The following TENM3 variants were observed in gnomAD, a reference collection of about 807,000 sequenced individuals.
TENM3 encodes teneurin transmembrane protein 3.
Under a neutral mutation model 255.1 loss-of-function variants are expected in TENM3, and 63 were observed. The ratio of observed to expected loss-of-function variants is 0.25; its 90% CI spans 0.20 to 0.30. The LOEUF is 0.30. Ranked by LOEUF, TENM3 falls within the 10% of genes least tolerant of loss-of-function variation. The probability of loss-of-function intolerance (pLI) is 1.00; values close to 1 mark genes in which losing one functional copy is unlikely to be tolerated. For missense variants in TENM3, 2,929 were observed against 3,461.1 expected (o/e 0.85, Z 3.86); for synonymous variants, 1,306 against 1,322.3 (o/e 0.99, Z 0.27).
the TENM3 span, among the ~76,000 whole-genome samples, chr4:182,051,214 G>A: frequency 2.6e-5 from 4 of 151,690 alleles, no homozygotes; most frequent in African/African-American, 9.7e-5. Context: ...GTGATGGCAA[G>A]CGCCTGTAAT....
chr4:182,610,744 CTTTT>C (rs34833684), intron 4 of TENM3, among the ~76,000 whole-genome samples: 1 of 134,442 alleles, frequency 7.4e-6, no homozygotes, highest in Non-Finnish European at 1.6e-5. Flanking sequence ...ACTAAAGTTA[CTTTT>C]TTTTTTTTTT....
the TENM3 span, among the ~76,000 whole-genome samples, chr4:181,913,548 CTATTT>C: frequency 6.6e-6 from 1 of 152,078 alleles, no homozygotes; most frequent in African/African-American, 2.4e-5. Context: ...TTCCAAATGG[CTATTT>C]TAAAGAGAGC....
chr4:181,726,149 T>G, the TENM3 span, among the ~76,000 whole-genome samples: 1 of 152,088 alleles, frequency 6.6e-6, no homozygotes, highest in African/African-American at 2.4e-5. Context: ...TTAGCAAATT[T>G]TATTTAAAAA....
the TENM3 span, among the ~76,000 whole-genome samples, chr4:181,959,180 T>C: frequency 2.6e-5 from 4 of 152,322 alleles, no homozygotes; most frequent in African/African-American, 9.6e-5. Flanking sequence ...TGCCATTTCC[T>C]CTAGGAAGCC....
chr4:182,705,591 T>C (rs1469854536), intron 12 of TENM3, among the ~76,000 whole-genome samples: 1 of 152,204 alleles, frequency 6.6e-6, no homozygotes, highest in African/African-American at 2.4e-5. Context: ...ACCTGACGTC[T>C]ATATAACCCG....
At chr4:181,611,366 A>T in the TENM3 span, among the ~76,000 whole-genome samples, 1 of 152,208 alleles carries the variant, frequency 6.6e-6, no homozygotes, top group African/African-American at 2.4e-5. Flanking sequence ...ACTTTATTTT[A>T]ATCATGGTGA....
At chr4:182,725,149 C>A (rs1402948701) in intron 13 of TENM3, among the ~76,000 whole-genome samples, 1 of 151,838 alleles carries the variant, frequency 6.6e-6, no homozygotes, top group East Asian at 1.9e-4. Context: ...AACTCCTGGG[C>A]TCAAGTGCCT....
the TENM3 span, among the ~76,000 whole-genome samples, chr4:182,059,362 G>A: frequency 6.6e-6 from 1 of 152,058 alleles, no homozygotes; most frequent in South Asian, 2.1e-4. Flanking sequence ...GGAAATCAGT[G>A]TCAAAATTTT....
the TENM3 span, among the ~76,000 whole-genome samples, chr4:181,931,727 G>T: frequency 6.6e-6 from 1 of 152,126 alleles, no homozygotes; most frequent in African/African-American, 2.4e-5. Context: ...TAAGCAAAAA[G>T]AACAAAGCTG....
At chr4:182,455,160 C>T (rs73869996) in intron 3 of TENM3, among the ~76,000 whole-genome samples, 3,163 of 152,282 alleles carry the variant, frequency 0.021, 113 homozygotes, top group African/African-American at 0.071. Flanking sequence ...GAGAGAGTCA[C>T]ATTTTCTTGA....
chr4:182,792,012 A>G lies in TENM3; in HGVS notation c.5602-262A>G, dbSNP rs1317931018. ...CCATTGACAAATCTGCTGGTTGGCT[A>G]TGAATGTCTGGGAAAATAATGGTAC... On this transcript the variant is annotated intron_variant, in intron 25 of 27. Coordinates refer to ENST00000511685, the MANE Select transcript of TENM3 (RefSeq NM_001080477.4). The surrounding 1 kb of genome is among the most constrained non-coding windows in gnomAD (Gnocchi z 6.3). Among the ~76,000 whole-genome samples, 3 of 152,178 alleles carry G rather than the reference A, an allele frequency of 2.0e-5. No homozygotes were observed. Among genetic ancestry groups the G allele is most frequent in the Non-Finnish European group, 4.4e-5 (3 of 68,040 alleles).
intron 3 of TENM3, among the ~76,000 whole-genome samples, chr4:182,378,823 G>C (rs1767364828): frequency 6.6e-6 from 1 of 152,180 alleles, no homozygotes; most frequent in African/African-American, 2.4e-5. Flanking sequence ...AACAGGGAGA[G>C]ACATGATCCA....
the TENM3 span, among the ~76,000 whole-genome samples, chr4:181,719,168 T>TGCAGTCC: frequency 7.9e-5 from 12 of 151,608 alleles, no homozygotes; most frequent in Non-Finnish European, 1.5e-4. Flanking sequence ...ATCGCGCCAC[T>TGCAGTCC]GCAGTCCGCA....
the TENM3 span, among the ~76,000 whole-genome samples, chr4:182,094,266 G>A: frequency 2.8e-4 from 42 of 150,332 alleles, no homozygotes; most frequent in Admixed American, 1.3e-3. Context: ...TTTTTTTTGA[G>A]ACGGAGTTTT....
In TENM3 at chr4:182,481,881, A is replaced by G. The variant is rs115888681; in HGVS notation, c.512-119043A>G. ...ATAACTTAATGATTTTTTGCTTTAT[A>G]TCAAAATTTAAGAAGTGATATTTTC... On this transcript the variant is annotated intron_variant, in intron 3 of 27. Transcript: ENST00000511685. Among the ~76,000 whole-genome samples the G allele has an allele frequency of 7.6e-3, 1,157 of 152,328 alleles. 9 individuals are homozygous for G. Among genetic ancestry groups the G allele is most frequent in the African/African-American group, 0.022 (910 of 41,578 alleles).
chr4:181,708,607 T>C, the TENM3 span, among the ~76,000 whole-genome samples: 1 of 151,756 alleles, frequency 6.6e-6, no homozygotes, highest in Admixed American at 6.6e-5. Flanking sequence ...ACCAACACTC[T>C]ATGAAAATCA....
the TENM3 span, among the ~76,000 whole-genome samples, chr4:181,953,498 G>A: frequency 4.6e-5 from 7 of 151,962 alleles, no homozygotes; most frequent in African/African-American, 1.7e-4. Flanking sequence ...CAGCAAAATG[G>A]CAACAAAACA....
chr4:181,613,636 A>T, the TENM3 span, among the ~76,000 whole-genome samples: 1 of 152,170 alleles, frequency 6.6e-6, no homozygotes, highest in African/African-American at 2.4e-5. Context: ...CAAAACAGGG[A>T]AAATGATAAA....
chr4:182,347,040 C>A, intron 3 of TENM3, 111 bp downstream of exon 3: 1 of 933,710 alleles, frequency 1.1e-6, no homozygotes, highest in Non-Finnish European at 1.6e-6. Context: ...ATCCTTCTTT[C>A]TCTCTCTTTC....
Sources: gnomAD v4.1 joint callset for allele counts (sites outside exome capture counted in the v4.1 genomes callset) on GRCh38, gnomAD v4.1.1 for gene constraint, Gnocchi (gnomAD v3.1) non-coding constraint, MANE v1.5 for transcripts, NCBI Gene and HGNC (gene_info 2026-07-23, HGNC 2026-07-21) for gene names.